Variants in FMN2 observed in about 807,000 individuals in gnomAD.
FMN2 encodes formin-2.
A neutral mutation model predicts 142.3 loss-of-function variants in FMN2; 51 were observed. The ratio of observed to expected loss-of-function variants is 0.36; its 90% CI spans 0.29 to 0.45. FMN2 has a LOEUF of 0.45. FMN2 is among the 20% of genes least tolerant of loss of function. The pLI is 1.00. For synonymous variants in FMN2, 882 were observed against 869.8 expected, an observed-to-expected ratio of 1.01 and a Z score of -0.25; for missense variants, 1,936 against 2,122.8, an observed-to-expected ratio of 0.91 and a Z score of 1.73.
chr1:240,128,080 T>G (rs1174885492), intron 2 of FMN2, among the ~76,000 whole-genome samples: 1 of 152,164 alleles, frequency 6.6e-6, no homozygotes, highest in Non-Finnish European at 1.5e-5. Context: ...AGCTGCATTT[T>G]GGGAGGAGGA....
At chr1:240,136,068 T>C (rs965589360) in intron 2 of FMN2, among the ~76,000 whole-genome samples, 4 of 152,082 alleles carry the variant, frequency 2.6e-5, no homozygotes, top group Non-Finnish European at 4.4e-5. Flanking sequence ...TAGTAATCAG[T>C]AACCAAGTTT....
chr1:240,281,658 A>G (rs1669399904), intron 7 of FMN2, among the ~76,000 whole-genome samples: 1 of 152,186 alleles, frequency 6.6e-6, no homozygotes, highest in Non-Finnish European at 1.5e-5. Context: ...TTTGTCTTAC[A>G]GTTTTTAATA....
At chr1:240,099,403 T>C (rs6682703) in intron 1 of FMN2, among the ~76,000 whole-genome samples, 98,412 of 150,496 alleles carry the variant, frequency 0.65, 32,742 homozygotes, top group African/African-American at 0.77. Flanking sequence ...TATTCTGTGG[T>C]GGGGGGTTGG....
intron 3 of FMN2, among the ~76,000 whole-genome samples, chr1:240,180,364 C>T (rs1665097944): frequency 6.6e-6 from 1 of 152,120 alleles, no homozygotes; most frequent in African/African-American, 2.4e-5. Context: ...AACCATACCA[C>T]ACTCTCTTCT....
At chr1:240,433,252 A>G (rs2103167989) in intron 15 of FMN2, among the ~76,000 whole-genome samples, 1 of 152,298 alleles carries the variant, frequency 6.6e-6, no homozygotes, top group Non-Finnish European at 1.5e-5. Flanking sequence ...TACTCAGATA[A>G]TAAAACCAGG....
At chr1:240,124,401 C>A (rs1662416374) in intron 2 of FMN2, among the ~76,000 whole-genome samples, 1 of 152,146 alleles carries the variant, frequency 6.6e-6, no homozygotes, top group Non-Finnish European at 1.5e-5. Context: ...ATCCCCAGCT[C>A]CCATTCACCA....
intron 14 of FMN2, among the ~76,000 whole-genome samples, chr1:240,376,675 G>T (rs1258897294): frequency 6.6e-6 from 1 of 152,108 alleles, no homozygotes; most frequent in Non-Finnish European, 1.5e-5. Flanking sequence ...GAGGATGTGT[G>T]TAGGTTATAT....
chr1:240,349,417 A>G (rs1356740917), intron 13 of FMN2, among the ~76,000 whole-genome samples: 1 of 152,212 alleles, frequency 6.6e-6, no homozygotes, highest in African/African-American at 2.4e-5. Flanking sequence ...GGAAGCTCAC[A>G]GAAAAGCAGC....
At chr1:240,402,992 T>C (rs2103113183) in intron 15 of FMN2, among the ~76,000 whole-genome samples, 1 of 152,346 alleles carries the variant, frequency 6.6e-6, no homozygotes, top group South Asian at 2.1e-4. Context: ...AGAAACACAG[T>C]TTGTTCCAGC....
chr1:240,157,191 A>C (rs1349098421), intron 2 of FMN2, among the ~76,000 whole-genome samples: 1 of 152,190 alleles, frequency 6.6e-6, no homozygotes, highest in Non-Finnish European at 1.5e-5. Flanking sequence ...CTACCTTCTG[A>C]AGCTGTAGAG....
chr1:240,144,795 A>AG, intron 2 of FMN2: 1 of 1,427,142 alleles, frequency 7.0e-7, no homozygotes. Context: ...ACCATGTTGT[A>AG]GGGGACGATT....
In FMN2 at chr1:240,251,060, G is replaced by GT. The variant is rs544617826; in HGVS notation, c.4066-6878dup. Among the ~76,000 whole-genome samples the GT allele has an allele frequency of 2.1e-4, 32 of 151,398 alleles. No homozygotes were observed. The East Asian group carries it at 5.3e-3, about 25-fold the overall frequency. On this transcript the variant is annotated intron_variant, in intron 6 of 17. Transcript: ENST00000319653. ...ACTTTATTTTGTTGATTCTTTGTGG[G>GT]TTTTTTTAGTCTTTATTTTGTTTAG...
chr1:240,255,046 C>T (rs2102892214), intron 6 of FMN2, among the ~76,000 whole-genome samples: 1 of 152,304 alleles, frequency 6.6e-6, no homozygotes, highest in Non-Finnish European at 1.5e-5. Context: ...TCTCCCATGG[C>T]TACGATTGCA....
At chr1:240,422,404 C>CT (rs932442475) in intron 15 of FMN2, among the ~76,000 whole-genome samples, 1 of 152,142 alleles carries the variant, frequency 6.6e-6, no homozygotes, top group Non-Finnish European at 1.5e-5. Flanking sequence ...TTTAGTTCTT[C>CT]TTTCCAAAAA....
At chr1:240,238,177 G>A (rs948307127) in intron 6 of FMN2, among the ~76,000 whole-genome samples, 2 of 152,200 alleles carry the variant, frequency 1.3e-5, no homozygotes, top group Non-Finnish European at 2.9e-5. Flanking sequence ...GCAGCTGACT[G>A]TAGTGCTTTG....
At chr1:240,105,132 C>T (rs573637475) in intron 1 of FMN2, among the ~76,000 whole-genome samples, 2 of 121,068 alleles carry the variant, frequency 1.7e-5, no homozygotes, top group Admixed American at 9.8e-5. Flanking sequence ...TTTTTGAGAC[C>T]GAGTCTCACT....
chr1:240,270,432 A>G (rs1033348582), intron 7 of FMN2, among the ~76,000 whole-genome samples: 1 of 152,100 alleles, frequency 6.6e-6, no homozygotes, highest in African/African-American at 2.4e-5. Flanking sequence ...AGAGATGTCT[A>G]TACTTCTATG....
intron 2 of FMN2, among the ~76,000 whole-genome samples, chr1:240,177,481 CTAT>C (rs1409326943): frequency 6.6e-6 from 1 of 151,626 alleles, no homozygotes; most frequent in African/African-American, 2.4e-5. Flanking sequence ...GGCACGGGAG[CTAT>C]TATTGTCCTG....
intron 15 of FMN2, among the ~76,000 whole-genome samples, chr1:240,433,847 G>C (rs1675262357): frequency 6.6e-6 from 1 of 152,108 alleles, no homozygotes; most frequent in South Asian, 2.1e-4. Context: ...GTAATTTTGA[G>C]TTTCGTTGGG....
Sources: gnomAD v4.1 joint callset for allele counts (sites outside exome capture counted in the v4.1 genomes callset) on GRCh38, gnomAD v4.1.1 for gene constraint, MANE v1.5 for transcripts, NCBI Gene and HGNC (gene_info 2026-07-23, HGNC 2026-07-21) for gene names.